RAPGEF6: variants seen among roughly 807,000 people sequenced by gnomAD.
RAPGEF6 encodes Rap guanine nucleotide exchange factor 6.
Under a neutral mutation model 171.4 loss-of-function variants are expected in RAPGEF6, and 56 were observed. The ratio of observed to expected loss-of-function variants is 0.33; its 90% CI spans 0.26 to 0.41. The LOEUF (loss-of-function observed/expected upper bound fraction) is 0.41, where lower values mean the gene tolerates loss of function less well. RAPGEF6 is among the 10% of genes least tolerant of loss of function. The pLI is 1.00. For synonymous variants in RAPGEF6, 692 were observed against 650.1 expected (o/e 1.06, Z -0.98); for missense variants, 1,674 against 1,921.4 (o/e 0.87, Z 2.41).
At chr5:131,615,793 T>C (rs1398720720) in intron 1 of RAPGEF6, among the ~76,000 whole-genome samples, 1 of 151,958 alleles carries the variant, frequency 6.6e-6, no homozygotes, top group African/African-American at 2.4e-5. Context: ...TCCCAGCTAC[T>C]TGGGAGGCTG....
chr5:131,447,505 G>A (rs765564883), intron 21 of RAPGEF6: 8 of 152,068 alleles, frequency 5.3e-5, no homozygotes, highest in Non-Finnish European at 8.8e-5. Context: ...ATCCTACAAC[G>A]ACTGCACATC....
intron 7 of RAPGEF6, among the ~76,000 whole-genome samples, chr5:131,518,082 T>C (rs753884626): frequency 6.6e-6 from 1 of 152,094 alleles, no homozygotes; most frequent in South Asian, 2.1e-4. Context: ...AAAAACACTG[T>C]TACTAACTGG....
chr5:131,472,438 A>G, intron 17 of RAPGEF6, 149 bp downstream of exon 17: 1 of 878,366 alleles, frequency 1.1e-6, no homozygotes. Flanking sequence ...TTAACAGAAC[A>G]AGTCAATCTC....
chr5:131,535,070 T>C (rs1362454957), intron 6 of RAPGEF6, among the ~76,000 whole-genome samples: 1 of 152,172 alleles, frequency 6.6e-6, no homozygotes, highest in African/African-American at 2.4e-5. Context: ...TTAGACCTAC[T>C]GTAGTAAACA....
chr5:131,585,333 C>CAT (rs1282250278), intron 4 of RAPGEF6, among the ~76,000 whole-genome samples: 1 of 147,678 alleles, frequency 6.8e-6, no homozygotes, highest in Non-Finnish European at 1.5e-5. Context: ...TACATACATA[C>CAT]ATATATATCT....
At chr5:131,554,294 G>T (rs1009364276) in intron 5 of RAPGEF6, among the ~76,000 whole-genome samples, 1 of 152,162 alleles carries the variant, frequency 6.6e-6, no homozygotes, top group African/African-American at 2.4e-5. Flanking sequence ...CTTCAGGAAA[G>T]AATTTTTAAT....
chr5:131,510,220 C>T, intron 8 of RAPGEF6, 94 bp downstream of exon 8: 1 of 1,268,168 alleles, frequency 7.9e-7, no homozygotes. Flanking sequence ...ACACAACACA[C>T]ATTTATTAAG....
At chr5:131,575,907 A>G (rs1762578092) in intron 4 of RAPGEF6, among the ~76,000 whole-genome samples, 2 of 152,110 alleles carry the variant, frequency 1.3e-5, no homozygotes, top group Admixed American at 1.3e-4. Context: ...CCACTTCAAT[A>G]CTTCTAGAGG....
chr5:131,597,634 G>C (rs776397150), intron 3 of RAPGEF6, among the ~76,000 whole-genome samples: 1 of 152,100 alleles, frequency 6.6e-6, no homozygotes, highest in Non-Finnish European at 1.5e-5. Flanking sequence ...TCACTTATAC[G>C]TGGAATCTAA....
chr5:131,596,151 C>CAT (rs1460179318), intron 3 of RAPGEF6, among the ~76,000 whole-genome samples: 1 of 88,230 alleles, frequency 1.1e-5, no homozygotes, highest in African/African-American at 3.4e-5. Flanking sequence ...GAGACTCCAT[C>CAT]ATATAAAAAA....
At chr5:131,523,768 G>A (rs1397541080) in intron 6 of RAPGEF6, among the ~76,000 whole-genome samples, 1 of 150,794 alleles carries the variant, frequency 6.6e-6, no homozygotes, top group African/African-American at 2.5e-5. Flanking sequence ...GATCAAGGAG[G>A]TTTAAAAACT....
chr5:131,562,245 T>C (rs1216794270), intron 4 of RAPGEF6, among the ~76,000 whole-genome samples, 198 bp from the exon 5 acceptor site: 2 of 151,966 alleles, frequency 1.3e-5, no homozygotes, highest in Non-Finnish European at 2.9e-5. Context: ...CAGATATAAC[T>C]GATCTCAATA....
chr5:131,503,133 T>G (rs1034965031), intron 11 of RAPGEF6, among the ~76,000 whole-genome samples: 1 of 152,168 alleles, frequency 6.6e-6, no homozygotes, highest in Non-Finnish European at 1.5e-5. Context: ...AATGTTCACT[T>G]CCTAACTTGA....
Position 131,472,141 on chromosome 5 carries a change from G to T in RAPGEF6, c.2239+446C>A, listed in dbSNP as rs192389822. ...GGCTGGAGTGCAGTGGTCCGATCTC[G>T]GCTCACTGCAAGCTCTGCCTCCCGG... is the stretch of plus-strand genomic sequence containing the variant. On this transcript the variant is annotated intron_variant, in intron 17 of 27. Coordinates refer to ENST00000509018, the MANE Select transcript of RAPGEF6 (RefSeq NM_016340.6). The T allele has an allele frequency of 4.2e-3, 824 of 194,322 alleles. 5 individuals carry two copies. The highest frequency in any genetic ancestry group is 0.019 in the African/African-American group (776 of 41,490). The allele number at this position is 194,322 out of a possible 1,614,324, so 12.0% of individuals were successfully genotyped here. A position where few individuals can be genotyped will look rare whatever the true frequency, so the allele number is the denominator to read the frequency against.
At chr5:131,622,197 G>C (rs1765633030) in intron 1 of RAPGEF6, among the ~76,000 whole-genome samples, 1 of 151,916 alleles carries the variant, frequency 6.6e-6, no homozygotes, top group Non-Finnish European at 1.5e-5. Context: ...AAAAAAAAAA[G>C]AGGATGGTAA....
At chr5:131,429,594 T>C (rs1751574569) in intron 26 of RAPGEF6, among the ~76,000 whole-genome samples, 1 of 152,164 alleles carries the variant, frequency 6.6e-6, no homozygotes, top group African/African-American at 2.4e-5. Flanking sequence ...CTCTGTAAAC[T>C]GGGAGACTTT....
rs1490332247 is a variant in RAPGEF6, at chr5:131,589,778, C to G, written c.281+2605G>C. 3.3e-5 allele frequency among the ~76,000 whole-genome samples: 5 copies of G among 152,312 alleles called. No individual in the cohort carries two copies. In the South Asian group the frequency reaches 6.2e-4, roughly 19 times the overall value. The stretch of plus-strand genomic sequence containing the variant: ...TCTGCAATTGGAGGGCTTCTGTTTC[C>G]TGTCCCCAGCTTCAGGGGCCATCTG... On this transcript the variant is annotated intron_variant, in intron 4 of 27. Coordinates refer to ENST00000509018, the MANE Select transcript of RAPGEF6 (RefSeq NM_016340.6).
intron 15 of RAPGEF6, among the ~76,000 whole-genome samples, chr5:131,484,245 T>TG (rs1755715616): frequency 7.2e-6 from 1 of 138,658 alleles, no homozygotes; most frequent in Non-Finnish European, 1.6e-5. Context: ...TTTTTTTTTT[T>TG]GAGACAGAGT....
At chr5:131,568,539 A>C (rs1351246155) in intron 4 of RAPGEF6, among the ~76,000 whole-genome samples, 1 of 152,138 alleles carries the variant, frequency 6.6e-6, no homozygotes, top group Non-Finnish European at 1.5e-5. Flanking sequence ...AGCAGATCTC[A>C]AACTCCTGGC....
Sources: allele counts gnomAD v4.1 joint callset (sites outside exome capture counted in the v4.1 genomes callset), GRCh38; gene constraint gnomAD v4.1.1; transcripts MANE v1.5; gene names NCBI Gene and HGNC (gene_info 2026-07-23, HGNC 2026-07-21).